Variants in FGD4 observed in about 807,000 individuals in gnomAD.
FGD4 encodes FYVE, RhoGEF and PH domain-containing protein 4.
Under a neutral mutation model 102.0 loss-of-function variants are expected in FGD4, and 42 were observed. The observed-to-expected ratio is 0.41, with a 90% CI of 0.32 to 0.53. The LOEUF is 0.53. FGD4 is among the 20% of genes least tolerant of loss of function. FGD4 has a pLI of 0.21. For synonymous variants in FGD4, 380 were observed against 375.7 expected, an observed-to-expected ratio of 1.01 and a Z score of -0.13; for missense variants, 902 against 1,078.2, an observed-to-expected ratio of 0.84 and a Z score of 2.29.
intron 1 of FGD4, among the ~76,000 whole-genome samples, chr12:32,407,186 C>T (rs1347745189): frequency 7.1e-6 from 1 of 140,198 alleles, no homozygotes; most frequent in Non-Finnish European, 1.5e-5. Flanking sequence ...AGTGCAATGG[C>T]ACGATCTCGG....
Position 32,525,155 on chromosome 12 carries a change from CT to C in FGD4, c.167-38978del. 2.0e-5 allele frequency among the ~76,000 whole-genome samples: 3 copies of C among 152,276 alleles called. No individual in the cohort carries two copies. The East Asian group carries it at 5.8e-4, about 29-fold the overall frequency. ...GAAATTGTTGTCTAGTGTACCTTTG[CT>C]TTTCTCCCTCTCCAGAATGAGGGTT... On this transcript the variant is annotated intron_variant, in intron 1 of 16. Transcript: ENST00000534526.
At chr12:32,639,750 A>G (rs1167546790) in intron 16 of FGD4, among the ~76,000 whole-genome samples, 1 of 152,230 alleles carries the variant, frequency 6.6e-6, no homozygotes, top group Admixed American at 6.5e-5. Context: ...AAAATTTTAC[A>G]TATACCTGTT....
At chr12:32,561,070 G>GTTTTTTT (rs1267043755) in intron 1 of FGD4, among the ~76,000 whole-genome samples, 4,376 of 90,074 alleles carry the variant, frequency 0.049, 817 homozygotes, top group South Asian at 0.074. Flanking sequence ...TCTTTGTTGG[G>GTTTTTTT]TTTTGTTTTT....
At chr12:32,562,328 G>C (rs1944678245) in intron 1 of FGD4, among the ~76,000 whole-genome samples, 1 of 152,200 alleles carries the variant, frequency 6.6e-6, no homozygotes, top group Admixed American at 6.5e-5. Flanking sequence ...CTTTGTCAAG[G>C]CCAGCCCATG....
At chr12:32,444,029 T>TC (rs1942535510) in intron 1 of FGD4, among the ~76,000 whole-genome samples, 1 of 148,084 alleles carries the variant, frequency 6.8e-6, no homozygotes, top group Non-Finnish European at 1.5e-5. Context: ...TTCTTTTTTT[T>TC]TTTTTTTTTT....
At chr12:32,562,475 G>A (rs922340962) in intron 1 of FGD4, among the ~76,000 whole-genome samples, 3 of 152,050 alleles carry the variant, frequency 2.0e-5, no homozygotes, top group Non-Finnish European at 4.4e-5. Flanking sequence ...GATTTGGCAG[G>A]GTCATAGGAC....
intron 4 of FGD4, among the ~76,000 whole-genome samples, chr12:32,592,591 C>T (rs1173190426): frequency 6.6e-6 from 1 of 151,852 alleles, no homozygotes; most frequent in Non-Finnish European, 1.5e-5. Context: ...ATTTAGCTTT[C>T]CTGTTTAAAA....
chr12:32,453,152 C>T (rs533968811), intron 1 of FGD4, among the ~76,000 whole-genome samples: 12 of 139,116 alleles, frequency 8.6e-5, no homozygotes, highest in Admixed American at 2.9e-4. Context: ...ATTTATAAAA[C>T]GTGTGTGTGT....
At chr12:32,498,416 T>A (rs1937955218) in intron 1 of FGD4, among the ~76,000 whole-genome samples, 1 of 151,958 alleles carries the variant, frequency 6.6e-6, no homozygotes, top group Non-Finnish European at 1.5e-5. Context: ...GGAGAGGAAA[T>A]GAGGTTTGTG....
intron 1 of FGD4, among the ~76,000 whole-genome samples, chr12:32,410,720 C>A (rs1195623176): frequency 6.6e-6 from 1 of 152,090 alleles, no homozygotes; most frequent in Non-Finnish European, 1.5e-5. Flanking sequence ...CAGCCTTCAT[C>A]AACTGCAGTG....
At chr12:32,442,626 C>T (rs1942483930) in intron 1 of FGD4, among the ~76,000 whole-genome samples, 1 of 137,774 alleles carries the variant, frequency 7.3e-6, no homozygotes, top group Admixed American at 7.8e-5. Flanking sequence ...CGCAGTGGTG[C>T]GATCTCACTG....
intron 1 of FGD4, among the ~76,000 whole-genome samples, chr12:32,461,147 A>G (rs1943095316): frequency 6.6e-6 from 1 of 152,244 alleles, no homozygotes; most frequent in Admixed American, 6.5e-5. Flanking sequence ...TTTGTGTTTT[A>G]TAACAGAATA....
intron 11 of FGD4, among the ~76,000 whole-genome samples, chr12:32,620,520 C>CTTTCTTTTTTTCTTT (rs1949747434): frequency 1.1e-5 from 1 of 91,136 alleles, no homozygotes; most frequent in African/African-American, 4.6e-5. Flanking sequence ...TTTTTTCTTT[C>CTTTCTTTTTTTCTTT]TTTTTTTTTT....
chr12:32,604,023 A>G (rs1240574206), intron 7 of FGD4, among the ~76,000 whole-genome samples: 4 of 152,162 alleles, frequency 2.6e-5, no homozygotes, highest in African/African-American at 7.2e-5. Context: ...TGAATATGTC[A>G]TTCTCCTGCT....
chr12:32,526,019 C>T lies in FGD4; in HGVS notation c.167-38118C>T, dbSNP rs375370128. Among the ~76,000 whole-genome samples the T allele has an allele frequency of 3.9e-5, 6 of 152,388 alleles. 2 individuals carry two copies. Among genetic ancestry groups the T allele is most frequent in the African/African-American group, 1.4e-4 (6 of 41,604 alleles). Reference sequence around the variant, plus strand: ...GAGCACCACCCCCTGCTCCACGGCGCCCAGTCCCATCGACCACGCAAGGGC... The same window carrying T: ...GAGCACCACCCCCTGCTCCACGGCGTCCAGTCCCATCGACCACGCAAGGGC... On this transcript the variant is annotated intron_variant, in intron 1 of 16. Coordinates refer to ENST00000534526, the MANE Select transcript of FGD4 (RefSeq NM_001370298.3).
intron 1 of FGD4, among the ~76,000 whole-genome samples, chr12:32,439,557 G>A (rs150368913): frequency 1.3e-5 from 2 of 152,074 alleles, no homozygotes; most frequent in Non-Finnish European, 2.9e-5. Flanking sequence ...TCCCATAATG[G>A]CTATACTAAT....
intron 1 of FGD4, among the ~76,000 whole-genome samples, chr12:32,560,133 GGTTGCATGATGT>G (rs1196189091): frequency 7.9e-5 from 12 of 152,126 alleles, no homozygotes; most frequent in Non-Finnish European, 1.8e-4. Flanking sequence ...AAGGCCAAGT[GGTTGCATGATGT>G]GTTGTGGATT....
intron 2 of FGD4, among the ~76,000 whole-genome samples, chr12:32,572,275 C>CT (rs1231596059): frequency 2.0e-5 from 3 of 152,102 alleles, no homozygotes; most frequent in Non-Finnish European, 2.9e-5. Flanking sequence ...TCTTATTCAG[C>CT]TAAGTAAATG....
chr12:32,552,022 C>T (rs929250719), intron 1 of FGD4, among the ~76,000 whole-genome samples: 3 of 152,090 alleles, frequency 2.0e-5, no homozygotes, highest in African/African-American at 7.2e-5. Context: ...AAAGAAGGGA[C>T]CAAGAAATGG....
Sources: allele counts gnomAD v4.1 joint callset (sites outside exome capture counted in the v4.1 genomes callset), GRCh38; gene constraint gnomAD v4.1.1; transcripts MANE v1.5; gene names NCBI Gene and HGNC (gene_info 2026-07-23, HGNC 2026-07-21).